MYO1E: variants seen among roughly 807,000 people sequenced by gnomAD.
The protein encoded by MYO1E is unconventional myosin-Ie.
Under a neutral mutation model 151.1 loss-of-function variants are expected in MYO1E, and 68 were observed. The observed-to-expected ratio is 0.45, with a 90% CI of 0.37 to 0.55. The LOEUF is 0.55. MYO1E is among the 20% of genes least tolerant of loss of function. The pLI is 0.00. For synonymous variants in MYO1E, 601 were observed against 501.7 expected, an observed-to-expected ratio of 1.20 and a Z score of -2.64; for missense variants, 1,363 against 1,389.3, an observed-to-expected ratio of 0.98 and a Z score of 0.30.
chr15:59,336,591 T>G (rs2080730032), intron 1 of MYO1E, among the ~76,000 whole-genome samples: 1 of 152,076 alleles, frequency 6.6e-6, no homozygotes, highest in Admixed American at 6.6e-5. Flanking sequence ...CCCTGGTCTT[T>G]TTTTGTTTTG....
intron 2 of MYO1E, 53 bp from the exon 3 acceptor site, chr15:59,261,562 T>G (rs1331680191): frequency 8.6e-7 from 1 of 1,157,254 alleles, no homozygotes; most frequent in African/African-American, 1.5e-5. Flanking sequence ...TACACATTTT[T>G]CAAATTAAGT....
At chr15:59,220,320 G>A (rs182474814) in intron 9 of MYO1E, among the ~76,000 whole-genome samples, 12 of 152,272 alleles carry the variant, frequency 7.9e-5, no homozygotes, top group East Asian at 5.8e-4. Context: ...GTGGTGGTGC[G>A]CACCTGTAAT....
intron 1 of MYO1E, among the ~76,000 whole-genome samples, chr15:59,301,271 C>T (rs1387543872): frequency 6.6e-6 from 1 of 152,154 alleles, no homozygotes; most frequent in Non-Finnish European, 1.5e-5. Context: ...AATATGGATT[C>T]AACAATAAGA....
chr15:59,182,935 A>G (rs1303867512), intron 18 of MYO1E, among the ~76,000 whole-genome samples: 1 of 152,232 alleles, frequency 6.6e-6, no homozygotes. Flanking sequence ...GTCATCAGGC[A>G]TTAGATTCTC....
At chr15:59,371,019 G>C (rs1373737130) in intron 1 of MYO1E, among the ~76,000 whole-genome samples, 3 of 152,262 alleles carry the variant, frequency 2.0e-5, no homozygotes, top group Non-Finnish European at 4.4e-5. Flanking sequence ...ACGTAGAGTA[G>C]ACTGACTTCT....
At chr15:59,362,232 T>C (rs763629513) in intron 1 of MYO1E, among the ~76,000 whole-genome samples, 1 of 152,242 alleles carries the variant, frequency 6.6e-6, no homozygotes, top group African/African-American at 2.4e-5. Flanking sequence ...TTTGTGTTTT[T>C]GACATTTTTC....
intron 13 of MYO1E, among the ~76,000 whole-genome samples, chr15:59,209,723 G>A (rs778505449): frequency 2.7e-5 from 4 of 150,050 alleles, no homozygotes; most frequent in African/African-American, 2.4e-5. Context: ...AGTTGTCTAC[G>A]GATGTTTTTA....
At chr15:59,280,145 A>G (rs2080344775) in intron 1 of MYO1E, among the ~76,000 whole-genome samples, 1 of 152,174 alleles carries the variant, frequency 6.6e-6, no homozygotes, top group Admixed American at 6.5e-5. Context: ...TTTTAACAAT[A>G]GGCTCCCAGA....
intron 13 of MYO1E, 136 bp from the exon 14 acceptor site, chr15:59,208,984 G>T: frequency 9.5e-7 from 1 of 1,047,846 alleles, no homozygotes; most frequent in Non-Finnish European, 1.4e-6. Flanking sequence ...TCCCCTTCAG[G>T]CAAGAATGCA....
At chr15:59,285,536 T>A (rs1463129712) in intron 1 of MYO1E, among the ~76,000 whole-genome samples, 1 of 151,810 alleles carries the variant, frequency 6.6e-6, no homozygotes, top group Admixed American at 6.6e-5. Flanking sequence ...AATTCTTTTT[T>A]GTGTGTGTTT....
intron 1 of MYO1E, 91 bp downstream of exon 1, chr15:59,372,407 C>G: frequency 6.7e-7 from 1 of 1,483,430 alleles, no homozygotes; most frequent in Non-Finnish European, 9.1e-7. Context: ...ACCCCTGGCC[C>G]CGGCAGCGCG....
intron 1 of MYO1E, among the ~76,000 whole-genome samples, chr15:59,338,637 T>C (rs1163158478): frequency 6.6e-6 from 1 of 152,066 alleles, no homozygotes; most frequent in Non-Finnish European, 1.5e-5. Context: ...GGAAAAACAG[T>C]AGGGGAGTTT....
In MYO1E at chr15:59,301,794, CTT is replaced by C. The variant is rs1304411335; in HGVS notation, c.4-29347_4-29346del. 9.9e-5 allele frequency among the ~76,000 whole-genome samples: 15 copies of C among 152,146 alleles called. No individual in the cohort carries two copies. The East Asian group carries it at 2.3e-3, about 23-fold the overall frequency. On this transcript the variant is annotated intron_variant, in intron 1 of 27. Coordinates refer to ENST00000288235, the MANE Select transcript of MYO1E (RefSeq NM_004998.4). ...GTGGCCCAGGGGATTCTCTTTAACTCTTTTGTTTCCAACCTCACAGGGTTGAC... is the reference window on the plus strand; with the variant it reads ...GTGGCCCAGGGGATTCTCTTTAACTCTTGTTTCCAACCTCACAGGGTTGAC...
In MYO1E at chr15:59,236,297, C is replaced by T. The variant is rs1437853139; in HGVS notation, c.420+288G>A. On this transcript the variant is annotated intron_variant, in intron 5 of 27. Transcript: ENST00000288235. ...GGCAGAGGTTGTGGTGAGCCGAGAT[C>T]GCGCCACTGCACTACTCCAGCCTGG... is the stretch of plus-strand genomic sequence containing the variant. 2.7e-5 allele frequency among the ~76,000 whole-genome samples: 4 copies of T among 149,720 alleles called. No individual in the cohort carries two copies. The South Asian group carries it at 6.4e-4, about 24-fold the overall frequency.
At chr15:59,201,109 ATTT>A (rs35652210) in intron 16 of MYO1E, among the ~76,000 whole-genome samples, 2 of 144,300 alleles carry the variant, frequency 1.4e-5, no homozygotes, top group African/African-American at 2.6e-5. Flanking sequence ...GACAAAAACT[ATTT>A]TTTTTTTTTT....
intron 4 of MYO1E, among the ~76,000 whole-genome samples, chr15:59,241,570 G>A (rs2080099815): frequency 6.6e-6 from 1 of 152,090 alleles, no homozygotes. Context: ...AGGTGTGGTG[G>A]CATGCGCCTG....
chr15:59,224,556 T>C lies in MYO1E; in HGVS notation c.777+133A>G, dbSNP rs538113123. On this transcript the variant is annotated intron_variant, in intron 8 of 27. Coordinates refer to ENST00000288235, the MANE Select transcript of MYO1E (RefSeq NM_004998.4). Reference sequence around the variant, plus strand: ...AAGGATACTGAAACATGTATGAGCATACAGAGTGCTCACAGAGAAAGAGGC... The same window carrying C: ...AAGGATACTGAAACATGTATGAGCACACAGAGTGCTCACAGAGAAAGAGGC... The C allele has an allele frequency of 1.5e-4, 185 of 1,210,108 alleles. 2 individuals are homozygous for C. In the African/African-American group the frequency reaches 2.6e-3, roughly 17 times the overall value. The allele number at this position is 1,210,108 out of a possible 1,614,324, so 75.0% of individuals were successfully genotyped here. A position where few individuals can be genotyped will look rare whatever the true frequency, so the allele number is the denominator to read the frequency against.
chr15:59,362,136 C>G (rs1276473151), intron 1 of MYO1E, among the ~76,000 whole-genome samples: 2 of 152,096 alleles, frequency 1.3e-5, no homozygotes, highest in African/African-American at 4.8e-5. Context: ...CACGCCCAGC[C>G]TATATTTTTT....
rs2080921559 is a variant in MYO1E, at chr15:59,367,528, C to G, written c.3+4970G>C. Among the ~76,000 whole-genome samples the G allele has an allele frequency of 2.0e-5, 3 of 152,212 alleles. No homozygotes were observed. The South Asian group carries it at 6.2e-4, about 32-fold the overall frequency. ...ACACAGGTGTTGAGATAGCGCCAAA[C>G]AGTAGCAGCTGGATGCAGATTTTCC... On this transcript the variant is annotated intron_variant, in intron 1 of 27. Transcript: ENST00000288235.
Sources: gnomAD v4.1 joint callset for allele counts (sites outside exome capture counted in the v4.1 genomes callset) on GRCh38, gnomAD v4.1.1 for gene constraint, MANE v1.5 for transcripts, NCBI Gene and HGNC (gene_info 2026-07-23, HGNC 2026-07-21) for gene names.